PENK: variants seen among roughly 807,000 people sequenced by gnomAD.
The protein encoded by PENK is proenkephalin, also known as proenkephalin-A.
In PENK, 25 loss-of-function variants were observed where a neutral mutation model predicts 24.1. The observed-to-expected ratio is 1.04, with a 90% CI of 0.76 to 1.45. PENK has a LOEUF of 1.45. Among genes scored for constraint, PENK ranks in the 40% most tolerant of loss-of-function variants. The pLI is 0.00. For missense variants in PENK, 353 were observed against 337.9 expected (o/e 1.04, Z -0.35); for synonymous variants, 135 against 130.3 (o/e 1.04, Z -0.24).
At chr8:56,443,842 C>A in intron 3 of PENK, 3 of 595,310 alleles carry the variant, frequency 5.0e-6, no homozygotes, top group Non-Finnish European at 9.1e-6. Flanking sequence ...TTCTATAAGA[C>A]TATTTTTATT....
chr8:56,442,532 C>T (rs1804578857), intron 3 of PENK, among the ~76,000 whole-genome samples: 1 of 152,014 alleles, frequency 6.6e-6, no homozygotes, highest in African/African-American at 2.4e-5. Context: ...ATCCTAAAAA[C>T]TCAATTTAAA....
At chr8:56,444,197 C>T (rs1804610923) in intron 3 of PENK, among the ~76,000 whole-genome samples, 1 of 152,210 alleles carries the variant, frequency 6.6e-6, no homozygotes, top group South Asian at 2.1e-4. Flanking sequence ...GAAAAAAACC[C>T]ATTTGAATAG....
In PENK at chr8:56,441,662, GC is replaced by G; in HGVS notation, c.413del (p.Gly138AlafsTer3). 6.2e-7 allele frequency: 1 copy of G among 1,614,016 alleles called. No individual in the cohort carries two copies. The highest frequency in any genetic ancestry group is 1.7e-5 in the Admixed American group (1 of 60,016). ...GSEILAKRYG[G>X]FMKKDAEEDD... ...CCTCCTCTGCATCCTTCTTCATGAAGCCCCCATACCGCTTGGCGAGGATCTC... is the reference window on the plus strand; with the variant it reads ...CCTCCTCTGCATCCTTCTTCATGAAGCCCCATACCGCTTGGCGAGGATCTC... On this transcript the variant is annotated frameshift_variant, in exon 4 of 4. Transcript: ENST00000451791. LOFTEE classifies it high-confidence loss of function.
intron 3 of PENK, among the ~76,000 whole-genome samples, chr8:56,442,732 A>G (rs535894227): frequency 6.6e-6 from 1 of 152,098 alleles, no homozygotes; most frequent in African/African-American, 2.4e-5. Flanking sequence ...TTTTCTTCAC[A>G]TTTAGTCACT....
intron 3 of PENK, among the ~76,000 whole-genome samples, chr8:56,442,451 G>T (rs930684491): frequency 6.6e-6 from 1 of 152,018 alleles, no homozygotes; most frequent in Admixed American, 6.5e-5. Flanking sequence ...ACCTAAAATG[G>T]TATCGAGTAT....
intron 3 of PENK, chr8:56,443,597 T>C (rs1461942246): frequency 2.3e-5 from 5 of 214,186 alleles, no homozygotes; most frequent in Non-Finnish European, 3.7e-5. Flanking sequence ...TCCACCACAG[T>C]ACCAATCATA....
chr8:56,443,763 T>C, intron 3 of PENK: 1 of 418,236 alleles, frequency 2.4e-6, no homozygotes, highest in Non-Finnish European at 4.2e-6. Context: ...AAGTAAACCT[T>C]TTGTCATTGA....
chr8:56,444,110 C>G, intron 3 of PENK: 1 of 568,606 alleles, frequency 1.8e-6, no homozygotes, highest in South Asian at 2.5e-5. Context: ...CCAGTGAGCT[C>G]TGCTCAAGTT....
chr8:56,445,697 C>CG (rs1563487297), intron 3 of PENK, 119 bp downstream of exon 3: 1 of 1,329,244 alleles, frequency 7.5e-7, no homozygotes, highest in Admixed American at 1.7e-5. Flanking sequence ...CGCGCCGCTG[C>CG]GGCTCCGACC....
chr8:56,444,523 G>C lies in PENK; in HGVS notation c.138+1293C>G, dbSNP rs1356006874. Among the ~76,000 whole-genome samples the C allele has an allele frequency of 3.3e-5, 5 of 152,282 alleles. 1 individual carries two copies. Among genetic ancestry groups the C allele is most frequent in the Middle Eastern group, 3.4e-3 (1 of 294 alleles). ...CACAAGATCTATCCTTATATTTGTA[G>C]CACTGGCTCAATTTTTAGGCATAGG... is the stretch of plus-strand genomic sequence containing the variant. On this transcript the variant is annotated intron_variant, in intron 3 of 3. Coordinates refer to ENST00000451791, the MANE Select transcript of PENK (RefSeq NM_001135690.3).
chr8:56,441,674 C>G lies in PENK; in HGVS notation c.402G>C (p.Lys134Asn), dbSNP rs374580134. Residue 134 changes from lysine to asparagine, a missense_variant, in exon 4 of 4, where the codon AAG becomes AAC. Physicochemically the swap from Lys to Asn is moderately conservative, Grantham distance 94. Coordinates refer to ENST00000451791, the MANE Select transcript of PENK (RefSeq NM_001135690.3). ...CCTTCTTCATGAAGCCCCCATACCG[C>G]TTGGCGAGGATCTCACTTCCATTGG... ...EEANGSEILA[K>N]RYGGFMKKDA... is the part of the protein sequence containing the mutation. The G allele has an allele frequency of 2.5e-5, 41 of 1,613,734 alleles. No individual in the cohort carries two copies. The highest frequency in any genetic ancestry group is 3.4e-5 in the Non-Finnish European group (40 of 1,179,944).
chr8:56,445,385 T>C, intron 3 of PENK: 1 of 410,778 alleles, frequency 2.4e-6, no homozygotes, highest in Non-Finnish European at 4.3e-6. Flanking sequence ...ATTACATTAT[T>C]TGTGGGAAAG....
chr8:56,446,178 G>T, intron 2 of PENK: 1 of 551,470 alleles, frequency 1.8e-6, no homozygotes, highest in Non-Finnish European at 3.2e-6. Flanking sequence ...CGCCCCCAAC[G>T]CGAGGCTGCC....
rs755738284 is a variant in PENK at position 56,441,635 on chromosome 8, G to A, written c.441C>T (p.Asp147=). The part of the protein sequence containing the change: ...GGFMKKDAEE[D]DSLANSSDLL... ...GGTCTGAGGAATTGGCCAGCGAGTC[G>A]TCCTCCTCTGCATCCTTCTTCATGA... Residue 147 remains aspartate, a synonymous_variant, in exon 4 of 4, where the codon GAC becomes GAT. Transcript: ENST00000451791. 8.7e-6 allele frequency: 14 copies of A among 1,613,702 alleles called. No individual in the cohort carries two copies. Among genetic ancestry groups the A allele is most frequent in the South Asian group, 5.5e-5 (5 of 91,066 alleles).
At chr8:56,442,085 C>T in intron 3 of PENK, 148 bp from the exon 4 acceptor site, 1 of 628,508 alleles carries the variant, frequency 1.6e-6, no homozygotes. Context: ...CACGACTTTT[C>T]ATAAGGCTGA....
chr8:56,445,770 ACT>A (rs758263909), intron 3 of PENK, 44 bp downstream of exon 3: 90 of 1,612,002 alleles, frequency 5.6e-5, no homozygotes, highest in African/African-American at 2.3e-4. Flanking sequence ...TGTTGCGGAA[ACT>A]CTGTCTCACA....
rs1804539276 is a variant in PENK at position 56,440,993 on chromosome 8, A to G, written c.*279T>C. On this transcript the variant is annotated 3_prime_UTR_variant, in exon 4 of 4. Coordinates refer to ENST00000451791, the MANE Select transcript of PENK (RefSeq NM_001135690.3). ...TAATAGGTTTATTATCTCTATATACAAGTAAGCATTTATTGATGTTTGTCA... is the reference window on the plus strand; with the variant it reads ...TAATAGGTTTATTATCTCTATATACGAGTAAGCATTTATTGATGTTTGTCA... 1 of 336,592 alleles carries G rather than the reference A, an allele frequency of 3.0e-6. No homozygotes were observed. The highest frequency in any genetic ancestry group is 7.5e-5 in the South Asian group (1 of 13,378). 20.9% of individuals were successfully genotyped at this position (336,592 alleles called of 1,614,324 possible).
In PENK at chr8:56,446,491, AGAG is replaced by A. The variant is rs1804667638; in HGVS notation, c.-59-13_-59-11del. On this transcript the variant is annotated splice_polypyrimidine_tract_variant and intron_variant, in intron 1 of 3. Transcript: ENST00000451791. ...GGGTTCAGACACGACTCTAGAGGGA[AGAG>A]AAGAAGGCAAGTGTGAGGAGGGCGG... The A allele has an allele frequency of 6.5e-6, 1 of 153,572 alleles. No homozygotes were observed. Among genetic ancestry groups the A allele is most frequent in the Non-Finnish European group, 1.4e-5 (1 of 69,072 alleles). The allele number at this position is 153,572 out of a possible 1,614,324, so 9.5% of individuals were successfully genotyped here. A position where few individuals can be genotyped will look rare whatever the true frequency, so the allele number is the denominator to read the frequency against.
chr8:56,441,987 T>A, intron 3 of PENK, 50 bp from the exon 4 acceptor site: 1 of 1,484,906 alleles, frequency 6.7e-7, no homozygotes, highest in Non-Finnish European at 9.2e-7. Flanking sequence ...TGTGATTTCA[T>A]TAAGCAAATG....
Sources: allele counts gnomAD v4.1 joint callset (sites outside exome capture counted in the v4.1 genomes callset), GRCh38; gene constraint gnomAD v4.1.1; transcripts MANE v1.5; gene names NCBI Gene and HGNC (gene_info 2026-07-23, HGNC 2026-07-21).